PHTF2: variants seen among roughly 807,000 people sequenced by gnomAD.
PHTF2 encodes protein PHTF2.
Under a neutral mutation model 101.2 loss-of-function variants are expected in PHTF2, and 60 were observed. The ratio of observed to expected loss-of-function variants is 0.59; its 90% CI spans 0.48 to 0.73. The LOEUF is 0.73. PHTF2 is among the 30% of genes least tolerant of loss of function. The pLI is 0.00. For missense variants in PHTF2, 747 were observed against 908.7 expected, an observed-to-expected ratio of 0.82 and a Z score of 2.29; for synonymous variants, 311 against 307.3, an observed-to-expected ratio of 1.01 and a Z score of -0.13.
At chr7:77,823,360 A>G (rs1396514717) in intron 1 of PHTF2, among the ~76,000 whole-genome samples, 1 of 151,990 alleles carries the variant, frequency 6.6e-6, no homozygotes, top group East Asian at 1.9e-4. Context: ...AGTTGGGACT[A>G]CAGGCACACG....
chr7:77,809,228 T>G (rs1163964223), intron 1 of PHTF2, among the ~76,000 whole-genome samples: 3 of 144,912 alleles, frequency 2.1e-5, no homozygotes, highest in South Asian at 2.2e-4. Flanking sequence ...TTCGTTGTTT[T>G]TTTTTTTTTT....
intron 1 of PHTF2, among the ~76,000 whole-genome samples, chr7:77,828,026 A>C (rs1276529954): frequency 1.3e-5 from 2 of 152,198 alleles, no homozygotes; most frequent in Non-Finnish European, 2.9e-5. Context: ...TTAACTCTTT[A>C]AGCCGTTTAG....
intron 2 of PHTF2, among the ~76,000 whole-genome samples, chr7:77,853,674 A>G (rs1343048140): frequency 1.2e-4 from 18 of 152,048 alleles, no homozygotes; most frequent in Non-Finnish European, 2.9e-5. Context: ...GATTACAGGT[A>G]TGAGCCACCG....
chr7:77,813,119 C>T (rs757693558), intron 1 of PHTF2, among the ~76,000 whole-genome samples: 25 of 152,030 alleles, frequency 1.6e-4, no homozygotes, highest in Non-Finnish European at 2.6e-4. Flanking sequence ...GCATTTTATC[C>T]TTTGAGTTAC....
intron 1 of PHTF2, among the ~76,000 whole-genome samples, chr7:77,812,766 T>C (rs1363361727): frequency 6.6e-6 from 1 of 152,010 alleles, no homozygotes; most frequent in African/African-American, 2.4e-5. Context: ...ATTTTTTGTG[T>C]TTTTAGTAGA....
intron 16 of PHTF2, among the ~76,000 whole-genome samples, chr7:77,948,282 T>C (rs1013897150): frequency 6.6e-6 from 1 of 152,198 alleles, no homozygotes; most frequent in Admixed American, 6.5e-5. Context: ...TAAATAGCCA[T>C]ATATATGTAG....
intron 3 of PHTF2, among the ~76,000 whole-genome samples, chr7:77,861,005 T>G (rs1457615524): frequency 2.6e-5 from 4 of 152,158 alleles, no homozygotes; most frequent in South Asian, 4.1e-4. Context: ...TACCTGGCCT[T>G]AATTGTTCTC....
intron 2 of PHTF2, among the ~76,000 whole-genome samples, chr7:77,849,441 G>T (rs1158759393): frequency 2.0e-5 from 3 of 152,088 alleles, no homozygotes; most frequent in African/African-American, 7.2e-5. Flanking sequence ...CCCAGCCACT[G>T]TGCTGTTTTT....
At chr7:77,921,545 G>A (rs551784744) in intron 10 of PHTF2, among the ~76,000 whole-genome samples, 106 of 152,310 alleles carry the variant, frequency 7.0e-4, no homozygotes, top group African/African-American at 2.3e-3. Flanking sequence ...GAACGTTCAT[G>A]TATTTTCAGT....
At chr7:77,932,305 A>T (rs2150950646) in intron 12 of PHTF2, among the ~76,000 whole-genome samples, 1 of 152,224 alleles carries the variant, frequency 6.6e-6, no homozygotes, top group South Asian at 2.1e-4. Flanking sequence ...ATTTCTTAGG[A>T]TTCTGGAGGG....
intron 5 of PHTF2, among the ~76,000 whole-genome samples, chr7:77,899,628 G>A (rs980283003): frequency 2.6e-5 from 4 of 152,044 alleles, no homozygotes; most frequent in Admixed American, 6.5e-5. Context: ...GTTTCAGGGC[G>A]CATTTTTGGT....
At chr7:77,863,850 G>C (rs563590248) in intron 3 of PHTF2, among the ~76,000 whole-genome samples, 17 of 148,328 alleles carry the variant, frequency 1.1e-4, no homozygotes, top group African/African-American at 3.8e-4. Context: ...GCAGTGGCAC[G>C]ATCATGGCTC....
chr7:77,868,405 G>A (rs1027792604), intron 3 of PHTF2, among the ~76,000 whole-genome samples: 1 of 132,830 alleles, frequency 7.5e-6, no homozygotes, highest in Non-Finnish European at 1.5e-5. Context: ...CCGGCTTCAA[G>A]CAATCCTCCT....
chr7:77,801,178 G>A (rs1245941898), intron 1 of PHTF2, among the ~76,000 whole-genome samples: 1 of 152,174 alleles, frequency 6.6e-6, no homozygotes, highest in Non-Finnish European at 1.5e-5. Context: ...AACAAATGAC[G>A]ATAATACAAT....
At chr7:77,854,810 C>G (rs1359437568) in exon 3 of PHTF2, 1 of 758,444 alleles carries the variant, frequency 1.3e-6, no homozygotes, top group Non-Finnish European at 2.4e-6. Flanking sequence ...CACTCAAGGA[C>G]CAAGGGCTCT....
chr7:77,829,210 C>T (rs1285287686), intron 1 of PHTF2, among the ~76,000 whole-genome samples: 1 of 152,072 alleles, frequency 6.6e-6, no homozygotes, highest in Non-Finnish European at 1.5e-5. Flanking sequence ...TATAGGGATT[C>T]ACTTAGATTT....
intron 1 of PHTF2, among the ~76,000 whole-genome samples, chr7:77,838,319 G>C (rs1056932510): frequency 6.6e-6 from 1 of 152,220 alleles, no homozygotes; most frequent in Non-Finnish European, 1.5e-5. Context: ...ACACCTGACT[G>C]AGAAATTAAG....
At chr7:77,854,465 T>G (rs1170558869) in intron 2 of PHTF2, among the ~76,000 whole-genome samples, 1 of 152,084 alleles carries the variant, frequency 6.6e-6, no homozygotes, top group East Asian at 1.9e-4. Context: ...TCAGTAACAT[T>G]CACTCAAGGC....
chr7:77,921,539 G>A (rs991244159), intron 10 of PHTF2, among the ~76,000 whole-genome samples: 1 of 152,162 alleles, frequency 6.6e-6, no homozygotes, highest in African/African-American at 2.4e-5. Context: ...CTACTTGAAC[G>A]TTCATGTATT....
Sources: gnomAD v4.1 joint callset for allele counts (sites outside exome capture counted in the v4.1 genomes callset) on GRCh38, gnomAD v4.1.1 for gene constraint, MANE v1.5 for transcripts, NCBI Gene and HGNC (gene_info 2026-07-23, HGNC 2026-07-21) for gene names.